The following DHX35 variants were observed in gnomAD, a reference collection of about 807,000 sequenced individuals.
The protein encoded by DHX35 is DEAH-box helicase 35.
In DHX35, 84 loss-of-function variants were observed where a neutral mutation model predicts 99.6. The ratio of observed to expected loss-of-function variants is 0.84; its 90% CI spans 0.71 to 1.01. The LOEUF is 1.01. Among genes scored for constraint, DHX35 ranks in the 50% least tolerant of loss-of-function variants. DHX35 has a pLI of 0.00. For synonymous variants in DHX35, 331 were observed against 316.2 expected (o/e 1.05, Z -0.50); for missense variants, 852 against 888.5 (o/e 0.96, Z 0.52).
intron 2 of DHX35, among the ~76,000 whole-genome samples, chr20:38,972,026 T>TTTTTG (rs2086008437): frequency 7.9e-6 from 1 of 126,494 alleles, no homozygotes; most frequent in Non-Finnish European, 1.7e-5. Flanking sequence ...TTTTTTTTTT[T>TTTTTG]GAGACAGAGT....
At chr20:39,000,532 G>A (rs1194906469) in intron 8 of DHX35, among the ~76,000 whole-genome samples, 2 of 152,176 alleles carry the variant, frequency 1.3e-5, no homozygotes, top group African/African-American at 2.4e-5. Flanking sequence ...GTTGACATGA[G>A]GCACTTTGAT....
In DHX35 at chr20:39,010,367, T is replaced by A; in HGVS notation, c.1310T>A (p.Leu437Gln). ...LAPVILQLKA[L>Q]GIDNVLRFHF... ...CCTGTCATCCTGCAGCTGAAAGCACTAGGAATTGACAATGTCCTCAGGTTC... is the reference window on the plus strand; with the variant it reads ...CCTGTCATCCTGCAGCTGAAAGCACAAGGAATTGACAATGTCCTCAGGTTC... Residue 437 changes from leucine to glutamine, a missense_variant, in exon 13 of 22, where the codon CTA (leucine) becomes CAA (glutamine). By Grantham distance (113) the Leu-to-Gln change is moderately radical. Transcript: ENST00000252011. The A allele has an allele frequency of 1.9e-6, 3 of 1,614,170 alleles. No individual in the cohort carries two copies. The highest frequency in any genetic ancestry group is 2.5e-6 in the Non-Finnish European group (3 of 1,180,018).
At chr20:38,985,789 C>A (rs552264058) in intron 4 of DHX35, among the ~76,000 whole-genome samples, 1 of 152,240 alleles carries the variant, frequency 6.6e-6, no homozygotes, top group East Asian at 1.9e-4. Context: ...TCCATGAAAC[C>A]ACAGCTTTCT....
intron 3 of DHX35, among the ~76,000 whole-genome samples, chr20:38,974,131 G>A (rs1372051616): frequency 6.6e-6 from 1 of 152,164 alleles, no homozygotes; most frequent in African/African-American, 2.4e-5. Flanking sequence ...AAGTGGTTGT[G>A]TCCTTGTAGG....
At chr20:38,968,982 G>A in intron 1 of DHX35, 99 bp from the exon 2 acceptor site, 10 of 1,329,508 alleles carry the variant, frequency 7.5e-6, no homozygotes, top group South Asian at 1.7e-5. Flanking sequence ...AAAAAGTATT[G>A]CTTCTTCTGT....
At chr20:39,003,943 CG>C in intron 11 of DHX35, 36 bp downstream of exon 11, 1 of 1,604,320 alleles carries the variant, frequency 6.2e-7, no homozygotes, top group Non-Finnish European at 8.5e-7. Context: ...TGTTGGCAGC[CG>C]TCTATAATCA....
rs2145898944 is a variant in DHX35 at position 39,003,778 on chromosome 20, C to T, written c.882C>T (p.Leu294=). The T allele has an allele frequency of 1.9e-6, 3 of 1,614,112 alleles. No individual in the cohort carries two copies. The highest frequency in any genetic ancestry group is 1.6e-4 in the Middle Eastern group (1 of 6,062). The change falls in exon 11 of 22, where the codon CTC becomes CTT. Residue 294 remains leucine (L), a synonymous_variant. Transcript: ENST00000252011. The part of the protein sequence containing the change: ...QEEVETVVSM[L]IEQARALART... Reference sequence around the variant, plus strand: ...AGGTAGAAACTGTTGTGTCGATGCTCATCGAGCAGGCTCGAGCACTAGCTC... The same window carrying T: ...AGGTAGAAACTGTTGTGTCGATGCTTATCGAGCAGGCTCGAGCACTAGCTC...
At chr20:38,971,682 T>C (rs968914496) in intron 2 of DHX35, among the ~76,000 whole-genome samples, 3 of 152,232 alleles carry the variant, frequency 2.0e-5, no homozygotes, top group African/African-American at 7.2e-5. Flanking sequence ...AACAAGTAGA[T>C]ACGTGTTTGC....
chr20:39,014,824 T>A (rs954937924), intron 13 of DHX35, 56 bp from the exon 14 acceptor site: 1 of 1,605,208 alleles, frequency 6.2e-7, no homozygotes, highest in African/African-American at 1.3e-5. Context: ...ACAGCCACAT[T>A]TTAATGTTTG....
In DHX35 at chr20:39,023,748, T is replaced by C; in HGVS notation, c.1652T>C (p.Ile551Thr). ...EEGDHLTMLN[I>T]YEAFIKHNKD... is the part of the protein sequence containing the mutation. ...GGCGACCACCTCACTATGCTCAATATATATGAAGCATTTATCAAAGTAAGC... is the reference window on the plus strand; with the variant it reads ...GGCGACCACCTCACTATGCTCAATACATATGAAGCATTTATCAAAGTAAGC... The change falls in exon 17 of 22, where the codon ATA (isoleucine) becomes ACA (threonine). Residue 551 changes from isoleucine (I) to threonine (T), a missense_variant. Ile to Thr is a moderately conservative substitution (Grantham distance 89, BLOSUM62 -1). Transcript: ENST00000252011. 6.2e-7 allele frequency: 1 copy of C among 1,613,988 alleles called. No homozygotes were observed. The highest frequency in any genetic ancestry group is 1.1e-5 in the South Asian group (1 of 91,066).
At chr20:38,984,356 A>G (rs750798287) in intron 4 of DHX35, among the ~76,000 whole-genome samples, 5 of 152,354 alleles carry the variant, frequency 3.3e-5, no homozygotes, top group African/African-American at 4.8e-5. Flanking sequence ...AACATAAACA[A>G]TGTGAACATT....
intron 14 of DHX35, 119 bp from the exon 15 acceptor site, chr20:39,018,685 A>G: frequency 1.0e-6 from 1 of 997,876 alleles, no homozygotes; most frequent in Non-Finnish European, 1.5e-6. Flanking sequence ...TAGTGCATGA[A>G]TCATCTTTTG....
At chr20:39,020,676 T>TTTTTTTTTTTA (rs2086860084) in intron 15 of DHX35, among the ~76,000 whole-genome samples, 2 of 148,830 alleles carry the variant, frequency 1.3e-5, no homozygotes, top group South Asian at 2.1e-4. Context: ...TTTTTTTTTT[T>TTTTTTTTTTTA]GAGACAGTGT....
chr20:38,981,165 G>T (rs2086165682), intron 3 of DHX35, among the ~76,000 whole-genome samples: 1 of 152,104 alleles, frequency 6.6e-6, no homozygotes, highest in Non-Finnish European at 1.5e-5. Flanking sequence ...TGAAACTACT[G>T]TCTTTCCCTT....
At position 38,983,661 on chromosome 20, in the gene DHX35, GGTATCATAT is replaced by G. The variant is rs201600405; in HGVS notation, c.268-33_268-25del. 1,686 of 1,570,538 alleles carry G rather than the reference GGTATCATAT, an allele frequency of 1.1e-3. 16 individuals carry two copies. In the African/African-American group the frequency reaches 0.021, roughly 19 times the overall value. On this transcript the variant is annotated intron_variant, in intron 3 of 21. Transcript: ENST00000252011. ...TTGGGGGAGATTGCTCTGCAAAAGT[GGTATCATAT>G]GTATACTTAGATGTGATTTTGTTTG...
At chr20:38,987,394 C>T (rs1008846820) in intron 4 of DHX35, among the ~76,000 whole-genome samples, 1 of 152,142 alleles carries the variant, frequency 6.6e-6, no homozygotes, top group African/African-American at 2.4e-5. Flanking sequence ...AGGCGCATGC[C>T]ACCATGCCCA....
Position 38,969,252 on chromosome 20 carries a change from TC to T in DHX35, c.174+39del, listed in dbSNP as rs562625131. On this transcript the variant is annotated intron_variant, in intron 2 of 21. Coordinates refer to ENST00000252011, the MANE Select transcript of DHX35 (RefSeq NM_021931.4). ...ATCATGTTCAACCTGTGGGCTTGAA[TC>T]GTGTGTCTGCATTAGCTTTATGCTC... 1.8e-5 allele frequency: 29 copies of T among 1,581,008 alleles called. No homozygotes were observed. In the African/African-American group the frequency reaches 2.8e-4, roughly 15 times the overall value.
Position 39,025,235 on chromosome 20 carries a change from T to C in DHX35, c.1677T>C (p.Asn559=). ...LNIYEAFIKH[N]KDSKWCQEHF... ...CTCTCTGGGTTGTTCTGTAGCACAA[T>C]AAGGACTCTAAATGGTGTCAGGAAC... Residue 559 remains asparagine (N), a synonymous_variant, in exon 18 of 22, where the codon AAT becomes AAC. Transcript: ENST00000252011. The C allele has an allele frequency of 6.2e-7, 1 of 1,611,942 alleles. No homozygotes were observed. The highest frequency in any genetic ancestry group is 8.5e-7 in the Non-Finnish European group (1 of 1,178,968).
chr20:39,003,040 G>A (rs2086547711), intron 10 of DHX35, among the ~76,000 whole-genome samples, 172 bp downstream of exon 10: 1 of 152,122 alleles, frequency 6.6e-6, no homozygotes, highest in Non-Finnish European at 1.5e-5. Flanking sequence ...AGATTGTCAG[G>A]GACTCGTTAG....
Sources: gnomAD v4.1 joint callset for allele counts (sites outside exome capture counted in the v4.1 genomes callset) on GRCh38, gnomAD v4.1.1 for gene constraint, MANE v1.5 for transcripts, NCBI Gene and HGNC (gene_info 2026-07-23, HGNC 2026-07-21) for gene names.